SVOP: variants seen among roughly 807,000 people sequenced by gnomAD.
SVOP encodes the protein SV2 related protein.
SVOP carries 17 observed loss-of-function variants against 69.1 expected under a neutral mutation model. The ratio of observed to expected loss-of-function variants is 0.25; its 90% CI spans 0.17 to 0.37. The LOEUF (loss-of-function observed/expected upper bound fraction) is 0.37. Among genes scored for constraint, SVOP ranks in the 10% least tolerant of loss-of-function variants. The probability of loss-of-function intolerance (pLI) is 1.00; values close to 1 mark genes in which losing one functional copy is unlikely to be tolerated. For synonymous variants in SVOP, 238 were observed against 238.6 expected, an observed-to-expected ratio of 1.00 and a Z score of 0.02; for missense variants, 435 against 597.5, an observed-to-expected ratio of 0.73 and a Z score of 2.84.
intron 2 of SVOP, among the ~76,000 whole-genome samples, chr12:108,982,114 A>G (rs2040139251): frequency 6.6e-6 from 1 of 151,660 alleles, no homozygotes; most frequent in African/African-American, 2.4e-5. Flanking sequence ...CATCGTAACC[A>G]CCATCTTCAT....
chr12:108,943,639 C>T (rs182180733), intron 7 of SVOP, among the ~76,000 whole-genome samples: 64 of 151,690 alleles, frequency 4.2e-4, no homozygotes, highest in African/African-American at 1.4e-3. Context: ...TATACAGGCC[C>T]ATACCACCTG....
intron 4 of SVOP, among the ~76,000 whole-genome samples, chr12:108,974,784 G>A (rs1434935888): frequency 6.6e-6 from 1 of 151,842 alleles, no homozygotes; most frequent in Non-Finnish European, 1.5e-5. Context: ...GGAAATACCA[G>A]TTCCAAGAAA....
intron 6 of SVOP, among the ~76,000 whole-genome samples, chr12:108,946,593 C>T (rs2039924264): frequency 6.6e-6 from 1 of 151,744 alleles, no homozygotes; most frequent in Non-Finnish European, 1.5e-5. Flanking sequence ...CTTTTTCCTC[C>T]TCCCCTTTGT....
chr12:108,995,994 AC>A (rs1342388180), intron 1 of SVOP, among the ~76,000 whole-genome samples: 1 of 151,838 alleles, frequency 6.6e-6, no homozygotes, highest in Non-Finnish European at 1.5e-5. Context: ...ACACACACAT[AC>A]ATACATACAT....
At chr12:108,984,061 T>C (rs1316153496) in intron 1 of SVOP, among the ~76,000 whole-genome samples, 4 of 152,216 alleles carry the variant, frequency 2.6e-5, no homozygotes, top group Non-Finnish European at 5.9e-5. Flanking sequence ...CAGAATACTG[T>C]TTGTGAGTAC....
chr12:108,968,254 GGC>G (rs1373743881), intron 5 of SVOP, among the ~76,000 whole-genome samples: 1 of 152,122 alleles, frequency 6.6e-6, no homozygotes, highest in Non-Finnish European at 1.5e-5. Context: ...CAGGCTCTGG[GGC>G]CAACTCAGTG....
intron 10 of SVOP, chr12:108,936,912 A>T: frequency 7.6e-6 from 2 of 261,854 alleles, no homozygotes; most frequent in South Asian, 9.6e-5. Context: ...AAGTAGAGTT[A>T]TAAGCCTGGT....
At chr12:109,002,716 C>A (rs1486649070) in intron 1 of SVOP, among the ~76,000 whole-genome samples, 21 of 150,044 alleles carry the variant, frequency 1.4e-4, no homozygotes, top group South Asian at 4.2e-4. Context: ...GAACAAAAAA[C>A]CAAACACCGC....
At chr12:108,925,923 T>TC (rs2039777451) in intron 11 of SVOP, among the ~76,000 whole-genome samples, 1 of 91,572 alleles carries the variant, frequency 1.1e-5, no homozygotes, top group African/African-American at 4.8e-5. Context: ...ATTCCTGACC[T>TC]TTTTTTTTTT....
At chr12:108,941,794 T>C (rs1387931223) in intron 7 of SVOP, among the ~76,000 whole-genome samples, 1 of 152,090 alleles carries the variant, frequency 6.6e-6, no homozygotes. Flanking sequence ...CCCGAGTAGC[T>C]GGGATTACAG....
At chr12:108,950,826 T>C (rs2039950190) in intron 6 of SVOP, among the ~76,000 whole-genome samples, 1 of 152,254 alleles carries the variant, frequency 6.6e-6, no homozygotes, top group Admixed American at 6.5e-5. Context: ...TCTTTTCCTA[T>C]AATTGTTGTG....
intron 3 of SVOP, 59 bp from the exon 4 acceptor site, chr12:108,977,555 G>T: frequency 8.3e-7 from 1 of 1,205,318 alleles, no homozygotes; most frequent in Non-Finnish European, 1.2e-6. Context: ...GGGGAAGGCT[G>T]GCCAAGTCCA....
chr12:108,960,434 C>T (rs1472847662), intron 6 of SVOP, among the ~76,000 whole-genome samples: 3 of 152,146 alleles, frequency 2.0e-5, no homozygotes, highest in Non-Finnish European at 4.4e-5. Context: ...AAATTGCTGC[C>T]TGAGTGACAT....
At chr12:108,957,250 G>A (rs775835948) in intron 6 of SVOP, among the ~76,000 whole-genome samples, 3 of 152,150 alleles carry the variant, frequency 2.0e-5, no homozygotes, top group Admixed American at 6.5e-5. Context: ...TGCAAACTCC[G>A]CCTCCTGGGT....
intron 6 of SVOP, among the ~76,000 whole-genome samples, chr12:108,950,395 T>C (rs1016971708): frequency 2.0e-5 from 3 of 150,076 alleles, no homozygotes; most frequent in African/African-American, 7.4e-5. Flanking sequence ...TACTCTTTTT[T>C]TCTTTTGAGA....
intron 1 of SVOP, among the ~76,000 whole-genome samples, chr12:108,988,133 C>A (rs967143708): frequency 3.9e-5 from 6 of 151,996 alleles, no homozygotes; most frequent in Non-Finnish European, 8.8e-5. Context: ...CCATGTTGGC[C>A]AGGCTGATCT....
At chr12:108,971,428 C>CAAAA (rs563114992) in intron 5 of SVOP, among the ~76,000 whole-genome samples, 11 of 142,670 alleles carry the variant, frequency 7.7e-5, no homozygotes, top group African/African-American at 2.2e-4. Context: ...GACTCCGTCT[C>CAAAA]AAAAAAAAAA....
At position 108,908,832 on chromosome 12, in the gene SVOP, G is replaced by A. The variant is rs2137379222; in HGVS notation, c.*3703C>T. ...AGAATCCCAATTTTGTGTTCAGGAG[G>A]CTGTGGGTATCCCTTGGTGCTCGTA... On this transcript the variant is annotated 3_prime_UTR_variant, in exon 16 of 16. Transcript: ENST00000610966. The A allele has an allele frequency of 6.6e-6, 1 of 152,336 alleles. No homozygotes were observed. Among genetic ancestry groups the A allele is most frequent in the African/African-American group, 2.4e-5 (1 of 41,558 alleles). The allele number at this position is 152,336 out of a possible 1,614,324, so 9.4% of individuals were successfully genotyped here. A position where few individuals can be genotyped will look rare whatever the true frequency, so the allele number is the denominator to read the frequency against.
At chr12:109,015,613 C>T (rs547248982) in intron 1 of SVOP, among the ~76,000 whole-genome samples, 1 of 148,876 alleles carries the variant, frequency 6.7e-6, no homozygotes, top group Admixed American at 6.7e-5. Flanking sequence ...GGTGACCAGC[C>T]TGGCCAACAT....
Sources: gnomAD v4.1 joint callset for allele counts (sites outside exome capture counted in the v4.1 genomes callset) on GRCh38, gnomAD v4.1.1 for gene constraint, MANE v1.5 for transcripts, NCBI Gene and HGNC (gene_info 2026-07-23, HGNC 2026-07-21) for gene names.